The following SIRPB1 variants were observed in gnomAD, a reference collection of about 807,000 sequenced individuals.
The protein encoded by SIRPB1 is signal-regulatory protein beta-1.
In SIRPB1, 28 loss-of-function variants were observed where a neutral mutation model predicts 34.1. The observed-to-expected ratio is 0.82, with a 90% CI of 0.61 to 1.12. The LOEUF is 1.12. Among genes scored for constraint, SIRPB1 ranks in the 50% most tolerant of loss-of-function variants. The pLI is 0.00. For synonymous variants in SIRPB1, 211 were observed against 203.8 expected (o/e 1.04, Z -0.30); for missense variants, 499 against 507.0 (o/e 0.98, Z 0.15).
Position 1,564,941 on chromosome 20 carries a change from A to T in SIRPB1, c.*559T>A, listed in dbSNP as rs2091107824. 2.5e-6 allele frequency: 1 copy of T among 398,506 alleles called. No individual in the cohort carries two copies. The highest frequency in any genetic ancestry group is 4.4e-6 in the Non-Finnish European group (1 of 226,080). 24.7% of individuals were successfully genotyped at this position (398,506 alleles called of 1,614,324 possible). On this transcript the variant is annotated 3_prime_UTR_variant, in exon 6 of 6. Coordinates refer to ENST00000381605, the MANE Select transcript of SIRPB1 (RefSeq NM_006065.5). The stretch of plus-strand genomic sequence containing the variant: ...TCTACCACAAGCAGCAGGACTGGGA[A>T]GGCTGCAGGATACTAGAAGAAATAC...
At chr20:1,578,929 C>T (rs1419721514) in intron 1 of SIRPB1, among the ~76,000 whole-genome samples, 3 of 147,996 alleles carry the variant, frequency 2.0e-5, no homozygotes, top group Non-Finnish European at 1.5e-5. Flanking sequence ...TTACTTTCTT[C>T]TGTTCTTTCT....
intron 2 of SIRPB1, 83 bp from the exon 3 acceptor site, chr20:1,572,120 C>A: frequency 6.3e-7 from 1 of 1,593,082 alleles, no homozygotes. Context: ...TAAGAACCTT[C>A]TGAGACGTTA....
In SIRPB1 at chr20:1,610,294, G is replaced by A. The variant is rs1490012391; in HGVS notation, c.76+9575C>T. 4.1e-5 allele frequency among the ~76,000 whole-genome samples: 3 copies of A among 72,686 alleles called. 1 individual carries two copies. The highest frequency in any genetic ancestry group is 7.8e-5 in the Non-Finnish European group (3 of 38,686). The allele number at this position is 72,686 out of a possible 152,430, so 47.7% of individuals were successfully genotyped here. On this transcript the variant is annotated intron_variant, in intron 1 of 5. Coordinates refer to ENST00000381605, the MANE Select transcript of SIRPB1 (RefSeq NM_006065.5). ...TGCACCAGGCTCTTCTATGGAGACA[G>A]CGTCTAACGCTGGGGAAGGAAGGAG...
intron 1 of SIRPB1, among the ~76,000 whole-genome samples, chr20:1,616,232 T>G (rs1157939597): frequency 1.3e-5 from 2 of 152,204 alleles, no homozygotes; most frequent in African/African-American, 4.8e-5. Context: ...AAGTTCACAT[T>G]AGTCATAGAA....
In SIRPB1 at chr20:1,619,886, A is replaced by C; in HGVS notation, c.59T>G (p.Leu20Arg). Reference protein sequence around the residue: ...LPSPFLLMTLLLGRLTGVAGE... With the variant: ...LPSPFLLMTLRLGRLTGVAGE... ...GTGCTCACCTGTGAGTCTCCCCAGC[A>C]GTAGCGTCATCAGCAGGAAAGGACT... Residue 20 changes from leucine (L) to arginine (R), a missense_variant, in exon 1 of 6, where the codon CTG becomes CGG. Physicochemically the swap from Leu to Arg is moderately radical, Grantham distance 102. Transcript: ENST00000381605. The C allele has an allele frequency of 6.2e-7, 1 of 1,613,670 alleles. No individual in the cohort carries two copies. Among genetic ancestry groups the C allele is most frequent in the Non-Finnish European group, 8.5e-7 (1 of 1,179,606 alleles).
chr20:1,581,926 A>G lies in SIRPB1; in HGVS notation c.77-3232T>C, dbSNP rs1413571190. 1.7e-4 allele frequency among the ~76,000 whole-genome samples: 8 copies of G among 48,144 alleles called. 3 individuals carry two copies. Among genetic ancestry groups the G allele is most frequent in the South Asian group, 1.6e-3 (2 of 1,274 alleles). 31.6% of individuals were successfully genotyped at this position (48,144 alleles called of 152,430 possible). On this transcript the variant is annotated intron_variant, in intron 1 of 5. Transcript: ENST00000381605. ...TGTTCCAATATCAATAATGACATCC[A>G]CCTTTCTCCAAGAGCACAAGATGAT...
intron 2 of SIRPB1, chr20:1,578,129 C>G (rs1194207359): frequency 6.7e-6 from 4 of 595,880 alleles, no homozygotes; most frequent in African/African-American, 5.6e-5. Context: ...TGCCTTCTGT[C>G]CCATCATTTA....
rs1037228158 is a variant in SIRPB1, at chr20:1,562,774, G to C, written c.*2726C>G. Among the ~76,000 whole-genome samples the C allele has an allele frequency of 2.0e-5, 3 of 152,142 alleles. No individual in the cohort carries two copies. Among genetic ancestry groups the C allele is most frequent in the South Asian group, 2.1e-4 (1 of 4,824 alleles). On this transcript the variant is annotated 3_prime_UTR_variant, in exon 6 of 6. Transcript: ENST00000381605. ...ACTCAAACAGCAAATCCTATAGTTG[G>C]GTTGCCTCCTTGCCTCCCAGTGATG...
rs1302179067 is a variant in SIRPB1, at chr20:1,585,744, C to T, written c.77-7050G>A. Reference sequence around the variant, plus strand: ...ATGATCCAGCAATCTCACTACTGAGCGTATATCCAAAGGAAATGACATCAG... The same window carrying T: ...ATGATCCAGCAATCTCACTACTGAGTGTATATCCAAAGGAAATGACATCAG... On this transcript the variant is annotated intron_variant, in intron 1 of 5. Coordinates refer to ENST00000381605, the MANE Select transcript of SIRPB1 (RefSeq NM_006065.5). Among the ~76,000 whole-genome samples, 42 of 48,468 alleles carry T rather than the reference C, an allele frequency of 8.7e-4. 20 individuals are homozygous for T. Among genetic ancestry groups the T allele is most frequent in the African/African-American group, 5.7e-3 (42 of 7,382 alleles). 31.8% of individuals were successfully genotyped at this position (48,468 alleles called of 152,430 possible). A position where few individuals can be genotyped will look rare whatever the true frequency, so the allele number is the denominator to read the frequency against.
rs1329132152 is a variant in SIRPB1 at position 1,576,105 on chromosome 20, G to A, written c.433+2233C>T. 1.4e-4 allele frequency among the ~76,000 whole-genome samples: 20 copies of A among 142,190 alleles called. 1 individual carries two copies. Among genetic ancestry groups the A allele is most frequent in the Non-Finnish European group, 2.5e-4 (16 of 63,724 alleles). The allele number at this position is 142,190 out of a possible 152,430, so 93.3% of individuals were successfully genotyped here. On this transcript the variant is annotated intron_variant, in intron 2 of 5. Coordinates refer to ENST00000381605, the MANE Select transcript of SIRPB1 (RefSeq NM_006065.5). ...TTTAGGCCGAGAGCATGGCAAAGAG[G>A]AGTGAGTACTTCACTAGGAGTGAGC...
At position 1,600,617 on chromosome 20, in the gene SIRPB1, C is replaced by T; in HGVS notation, c.76+19252G>A. 4.1e-5 allele frequency among the ~76,000 whole-genome samples: 2 copies of T among 49,368 alleles called. 1 individual carries two copies. The highest frequency in any genetic ancestry group is 1.2e-3 in the East Asian group (2 of 1,722). The allele number at this position is 49,368 out of a possible 152,430, so 32.4% of individuals were successfully genotyped here. On this transcript the variant is annotated intron_variant, in intron 1 of 5. Coordinates refer to ENST00000381605, the MANE Select transcript of SIRPB1 (RefSeq NM_006065.5). ...TCTAAGGGACTCTCTCAGCCCTTGG[C>T]TTCTCTGCAGAATCAGCTGGGTCTT... is the stretch of plus-strand genomic sequence containing the variant.
Position 1,563,782 on chromosome 20 carries a change from A to C in SIRPB1, c.*1718T>G, listed in dbSNP as rs1910996035. ...GGGACTTGCCACACACTTTCAAAAA[A>C]CCAGATCTCATGAGAACTCACTGAG... is the stretch of plus-strand genomic sequence containing the variant. On this transcript the variant is annotated 3_prime_UTR_variant, in exon 6 of 6. Transcript: ENST00000381605. 6.6e-6 allele frequency: 1 copy of C among 152,100 alleles called. No individual in the cohort carries two copies. Among genetic ancestry groups the C allele is most frequent in the African/African-American group, 2.4e-5 (1 of 41,362 alleles). 9.4% of individuals were successfully genotyped at this position (152,100 alleles called of 1,614,324 possible). A position where few individuals can be genotyped will look rare whatever the true frequency, so the allele number is the denominator to read the frequency against.
At chr20:1,572,171 T>C in intron 2 of SIRPB1, 134 bp from the exon 3 acceptor site, 1 of 1,407,358 alleles carries the variant, frequency 7.1e-7, no homozygotes. Context: ...GCAGTGTCCT[T>C]ATTCTCATTT....
At chr20:1,615,994 T>C (rs977085986) in intron 1 of SIRPB1, among the ~76,000 whole-genome samples, 5 of 151,872 alleles carry the variant, frequency 3.3e-5, no homozygotes, top group Admixed American at 1.3e-4. Context: ...AAAGCTAAAA[T>C]AGCTAGAAAC....
chr20:1,597,239 A>G lies in SIRPB1; in HGVS notation c.77-18545T>C, dbSNP rs1019480009. The G allele has an allele frequency of 1.0e-4, 5 of 49,438 alleles. 2 individuals are homozygous for G. The highest frequency in any genetic ancestry group is 2.0e-4 in the Non-Finnish European group (5 of 25,536). 3.1% of individuals were successfully genotyped at this position (49,438 alleles called of 1,614,324 possible). A position where few individuals can be genotyped will look rare whatever the true frequency, so the allele number is the denominator to read the frequency against. On this transcript the variant is annotated intron_variant, in intron 1 of 5. Transcript: ENST00000381605. ...GGATGATAGAAAAACTAGTGTTTCC[A>G]TCACAGAGAGAGGAGGGAGAGATGC...
At chr20:1,572,987 A>G (rs1489022745) in intron 2 of SIRPB1, among the ~76,000 whole-genome samples, 1 of 147,982 alleles carries the variant, frequency 6.8e-6, no homozygotes, top group African/African-American at 2.5e-5. Flanking sequence ...ACTGTTTCCA[A>G]AAACAACCTT....
At position 1,565,225 on chromosome 20, in the gene SIRPB1, C is replaced by T. The variant is rs1255713181; in HGVS notation, c.*275G>A. On this transcript the variant is annotated 3_prime_UTR_variant, in exon 6 of 6. Transcript: ENST00000381605. ...TCCCAAGGCGACGGATGGGAGAAGT[C>T]CTGGTGTGTTTAGATTTGGAGTGTT... The T allele has an allele frequency of 2.5e-6, 1 of 393,824 alleles. No homozygotes were observed. The highest frequency in any genetic ancestry group is 2.1e-5 in the African/African-American group (1 of 48,432). 24.4% of individuals were successfully genotyped at this position (393,824 alleles called of 1,614,324 possible).
At chr20:1,614,675 A>G (rs2091605087) in intron 1 of SIRPB1, among the ~76,000 whole-genome samples, 1 of 151,900 alleles carries the variant, frequency 6.6e-6, no homozygotes, top group African/African-American at 2.4e-5. Flanking sequence ...TCTTCATATG[A>G]ACTTTTCATG....
rs777875547 is a variant in SIRPB1, at chr20:1,571,844, G to A, written c.627C>T (p.His209=). 1.9e-6 allele frequency: 3 copies of A among 1,614,246 alleles called. No individual in the cohort carries two copies. Among genetic ancestry groups the A allele is most frequent in the Non-Finnish European group, 2.5e-6 (3 of 1,180,046 alleles). ...GGGTCAGCACCACCCTGGCTGTGCT[G>A]TGGATGCTGTAGGACACACTGTCTC... ...PAGDSVSYSI[H]STARVVLTRG... Residue 209 remains histidine, a synonymous_variant, in exon 3 of 6, where the codon CAC becomes CAT. Coordinates refer to ENST00000381605, the MANE Select transcript of SIRPB1 (RefSeq NM_006065.5).
Sources: gnomAD v4.1 joint callset for allele counts (sites outside exome capture counted in the v4.1 genomes callset) on GRCh38, gnomAD v4.1.1 for gene constraint, MANE v1.5 for transcripts, NCBI Gene and HGNC (gene_info 2026-07-23, HGNC 2026-07-21) for gene names.